Variants in ADGRB3 observed in about 807,000 individuals in gnomAD.
The protein encoded by ADGRB3 is adhesion G protein-coupled receptor B3, also known as brain-specific angiogenesis inhibitor 3.
Under a neutral mutation model 193.4 loss-of-function variants are expected in ADGRB3, and 37 were observed. The observed-to-expected ratio is 0.19, with a 90% confidence interval of 0.15 to 0.25. The LOEUF is 0.25. ADGRB3 is among the 10% of genes least tolerant of loss of function. The probability of loss-of-function intolerance (pLI) is 1.00; values close to 1 mark genes in which losing one functional copy is unlikely to be tolerated. For missense variants in ADGRB3, 1,637 were observed against 1,852.9 expected, an observed-to-expected ratio of 0.88 and a Z score of 2.14; for synonymous variants, 690 against 644.2, an observed-to-expected ratio of 1.07 and a Z score of -1.08.
intron 3 of ADGRB3, among the ~76,000 whole-genome samples, chr6:68,725,728 C>G (rs1251324628): frequency 6.6e-6 from 1 of 151,508 alleles, no homozygotes; most frequent in Non-Finnish European, 1.5e-5. Context: ...AAGATTTGAG[C>G]ATTATTAGCA....
At position 69,092,459 on chromosome 6, in the gene ADGRB3, G is replaced by A. The variant is rs567579541; in HGVS notation, c.2480+16421G>A. ...CAAGTTTTATTCATCTTCCAACCCC[G>A]TCCCCACCCTATTCCAAACCTGTAC... On this transcript the variant is annotated intron_variant, in intron 17 of 31. Transcript: ENST00000370598. Among the ~76,000 whole-genome samples, 7 of 152,092 alleles carry A rather than the reference G, an allele frequency of 4.6e-5. No individual in the cohort carries two copies. The East Asian group carries it at 5.8e-4, about 13-fold the overall frequency.
intron 6 of ADGRB3, among the ~76,000 whole-genome samples, chr6:68,948,242 T>C (rs1382034866): frequency 6.6e-6 from 1 of 152,166 alleles, no homozygotes; most frequent in Non-Finnish European, 1.5e-5. Context: ...ATGCTACTGA[T>C]GTTTTCTGAT....
intron 3 of ADGRB3, among the ~76,000 whole-genome samples, chr6:68,657,666 C>G (rs559406088): frequency 6.6e-6 from 1 of 151,456 alleles, no homozygotes; most frequent in East Asian, 1.9e-4. Context: ...AATACTTACT[C>G]AACTTGTAAA....
rs933302704 is a variant in ADGRB3, at chr6:69,076,694, G to C, written c.2480+656G>C. On this transcript the variant is annotated intron_variant, in intron 17 of 31. Coordinates refer to ENST00000370598, the MANE Select transcript of ADGRB3 (RefSeq NM_001704.3). ...GTCTCAAAGAGCAGGAAAATCTGTA[G>C]TTAAGTCTTGGTTAGACTCCTATAC... is the stretch of plus-strand genomic sequence containing the variant. Among the ~76,000 whole-genome samples the C allele has an allele frequency of 2.6e-5, 4 of 152,112 alleles. No homozygotes were observed. The East Asian group carries it at 7.7e-4, about 29-fold the overall frequency.
At chr6:69,286,103 G>A (rs1201898608) in intron 20 of ADGRB3, among the ~76,000 whole-genome samples, 1 of 152,020 alleles carries the variant, frequency 6.6e-6, no homozygotes, top group Non-Finnish European at 1.5e-5. Flanking sequence ...GCTGAATAAG[G>A]AAGAGTAGAT....
At chr6:68,816,608 A>G (rs1276603073) in intron 3 of ADGRB3, among the ~76,000 whole-genome samples, 1 of 151,942 alleles carries the variant, frequency 6.6e-6, no homozygotes, top group Non-Finnish European at 1.5e-5. Flanking sequence ...CCTTCTCTTT[A>G]CTTTGCCTTA....
chr6:69,096,673 C>G (rs915225555), intron 17 of ADGRB3, among the ~76,000 whole-genome samples: 1 of 152,102 alleles, frequency 6.6e-6, no homozygotes, highest in Admixed American at 6.6e-5. Flanking sequence ...CCAGTTCTTT[C>G]TACTGATATG....
Position 69,343,262 on chromosome 6 carries a change from C to T in ADGRB3, c.3459+3758C>T, listed in dbSNP as rs1027299684. On this transcript the variant is annotated intron_variant, in intron 26 of 31. Coordinates refer to ENST00000370598, the MANE Select transcript of ADGRB3 (RefSeq NM_001704.3). Reference sequence around the variant, plus strand: ...GGTTAGTTACATATGTATACATGTGCCATGCTGGTGCGCTGCACCCACTAA... The same window carrying T: ...GGTTAGTTACATATGTATACATGTGTCATGCTGGTGCGCTGCACCCACTAA... 2.5e-4 allele frequency among the ~76,000 whole-genome samples: 37 copies of T among 150,248 alleles called. 1 individual carries two copies. The highest frequency in any genetic ancestry group is 8.6e-4 in the African/African-American group (35 of 40,814).
At chr6:68,747,085 A>G (rs180747055) in intron 3 of ADGRB3, among the ~76,000 whole-genome samples, 8 of 152,304 alleles carry the variant, frequency 5.3e-5, no homozygotes, top group Non-Finnish European at 8.8e-5. Flanking sequence ...AGGAAATAAA[A>G]TTACCTTCAT....
intron 3 of ADGRB3, among the ~76,000 whole-genome samples, chr6:68,893,037 C>A (rs932885355): frequency 6.6e-6 from 1 of 151,930 alleles, no homozygotes; most frequent in African/African-American, 2.4e-5. Context: ...CCTCTATGAC[C>A]CTTGAAAACA....
intron 20 of ADGRB3, among the ~76,000 whole-genome samples, chr6:69,255,930 G>C (rs1766758885): frequency 6.6e-6 from 1 of 152,142 alleles, no homozygotes; most frequent in African/African-American, 2.4e-5. Context: ...TGGCTATCCA[G>C]TTTTCCCAGC....
chr6:69,198,913 G>T (rs1765355901), intron 17 of ADGRB3, among the ~76,000 whole-genome samples: 1 of 152,064 alleles, frequency 6.6e-6, no homozygotes, highest in Non-Finnish European at 1.5e-5. Context: ...AAATCCAAAA[G>T]AAATCTGACC....
At chr6:69,281,607 CT>C (rs1767438263) in intron 20 of ADGRB3, among the ~76,000 whole-genome samples, 2 of 152,254 alleles carry the variant, frequency 1.3e-5, no homozygotes, top group African/African-American at 4.8e-5. Context: ...GCCTACATTG[CT>C]CTAAGTTCTC....
chr6:69,279,071 G>GTGTATATATATATATA (rs1223848774), intron 20 of ADGRB3, among the ~76,000 whole-genome samples: 1 of 71,390 alleles, frequency 1.4e-5, no homozygotes, highest in Non-Finnish European at 2.8e-5. Context: ...AAATACATAT[G>GTGTATATATATATATA]TATATATATA....
chr6:69,136,686 T>A (rs1774158649), intron 17 of ADGRB3, among the ~76,000 whole-genome samples: 1 of 152,102 alleles, frequency 6.6e-6, no homozygotes, highest in African/African-American at 2.4e-5. Context: ...ACTCTTTAAC[T>A]TTTTTCCTTT....
chr6:69,011,587 A>G (rs772742600), intron 11 of ADGRB3, among the ~76,000 whole-genome samples: 2 of 152,058 alleles, frequency 1.3e-5, no homozygotes, highest in African/African-American at 4.8e-5. Flanking sequence ...GCATCACACA[A>G]TAAACCCAGG....
At chr6:69,214,724 T>A (rs1042862015) in intron 17 of ADGRB3, among the ~76,000 whole-genome samples, 2 of 151,792 alleles carry the variant, frequency 1.3e-5, no homozygotes, top group African/African-American at 4.8e-5. Context: ...CATGTCTCAG[T>A]TTCTGTCAGG....
chr6:68,687,773 A>T (rs926634536), intron 3 of ADGRB3, among the ~76,000 whole-genome samples: 2 of 152,218 alleles, frequency 1.3e-5, no homozygotes, highest in African/African-American at 4.8e-5. Context: ...AACAATTCTG[A>T]TAAGATCTGT....
At chr6:69,304,114 T>C (rs1768012128) in intron 20 of ADGRB3, among the ~76,000 whole-genome samples, 1 of 151,830 alleles carries the variant, frequency 6.6e-6, no homozygotes, top group South Asian at 2.1e-4. Flanking sequence ...AAAGAGGTTA[T>C]ATAATTATTT....
Sources: allele counts gnomAD v4.1 joint callset (sites outside exome capture counted in the v4.1 genomes callset), GRCh38; gene constraint gnomAD v4.1.1; transcripts MANE v1.5; gene names NCBI Gene and HGNC (gene_info 2026-07-23, HGNC 2026-07-21).